The following SLC14A1 variants were observed in gnomAD, a reference collection of about 807,000 sequenced individuals.
SLC14A1 encodes the protein solute carrier family 14 member 1 (Kidd blood group), also known as urea transporter 1.
Under a neutral mutation model 39.6 loss-of-function variants are expected in SLC14A1, and 36 were observed. The ratio of observed to expected loss-of-function variants is 0.91; its 90% CI spans 0.70 to 1.20. SLC14A1 has a LOEUF of 1.20. Among genes scored for constraint, SLC14A1 ranks in the 50% most tolerant of loss-of-function variants. The probability of loss-of-function intolerance (pLI) is 0.00; values close to 1 mark genes in which losing one functional copy is unlikely to be tolerated. For missense variants in SLC14A1, 469 were observed against 478.7 expected (o/e 0.98, Z 0.19); for synonymous variants, 164 against 173.6 (o/e 0.94, Z 0.43).
chr18:45,731,547 A>C (rs761794341), intron 4 of SLC14A1: 28 of 353,878 alleles, frequency 7.9e-5, no homozygotes, highest in Non-Finnish European at 1.3e-4. Context: ...AAAAGTGCAT[A>C]TGAATTCAGA....
At chr18:45,726,425 A>G (rs2046863764) in intron 2 of SLC14A1, among the ~76,000 whole-genome samples, 1 of 152,254 alleles carries the variant, frequency 6.6e-6, no homozygotes, top group African/African-American at 2.4e-5. Flanking sequence ...AAGGAAAAAG[A>G]AAATTTATAA....
chr18:45,739,885 G>A (rs560209160), intron 8 of SLC14A1: 272 of 600,410 alleles, frequency 4.5e-4, no homozygotes, highest in Non-Finnish European at 6.4e-4. Flanking sequence ...AGCCTATTGA[G>A]TCATATTAAT....
chr18:45,726,354 C>T (rs2046862149), intron 2 of SLC14A1, among the ~76,000 whole-genome samples: 1 of 152,164 alleles, frequency 6.6e-6, no homozygotes. Context: ...AGAAATACCA[C>T]ACACACAACT....
At chr18:45,749,001 G>A (rs1468607144) in intron 9 of SLC14A1, among the ~76,000 whole-genome samples, 1 of 152,162 alleles carries the variant, frequency 6.6e-6, no homozygotes, top group Non-Finnish European at 1.5e-5. Context: ...CAACAAAGAA[G>A]ATTCACAGGC....
chr18:45,739,761 G>T, intron 8 of SLC14A1, 99 bp downstream of exon 8: 1 of 1,546,566 alleles, frequency 6.5e-7, no homozygotes. Flanking sequence ...TCAGGGCCAG[G>T]GTTCTGGCTT....
intron 2 of SLC14A1, chr18:45,727,542 G>T: frequency 2.5e-6 from 3 of 1,197,720 alleles, no homozygotes; most frequent in Non-Finnish European, 3.4e-6. Flanking sequence ...AAAGGCACAG[G>T]GATCTTGGTC....
At chr18:45,739,368 C>A in intron 7 of SLC14A1, 58 bp downstream of exon 7, 1 of 1,612,258 alleles carries the variant, frequency 6.2e-7, no homozygotes, top group Non-Finnish European at 8.5e-7. Context: ...TGCATTGCCT[C>A]AGGCATCTTC....
Position 45,736,503 on chromosome 18 carries a change from T to A in SLC14A1, c.518T>A (p.Leu173His), listed in dbSNP as rs771302566. Residue 173 changes from leucine (L) to histidine (H), a missense_variant, in exon 6 of 10, where the codon CTC (leucine) becomes CAC (histidine). Physicochemically the swap from Leu to His is moderately conservative, Grantham distance 99. Transcript: ENST00000321925. ...AATTCCATGCTCAGCAAATGGGACCTCCCCGTCTTCACCCTCCCTTTCAAC... is the reference window on the plus strand; with the variant it reads ...AATTCCATGCTCAGCAAATGGGACCACCCCGTCTTCACCCTCCCTTTCAAC... ...ALNSMLSKWDLPVFTLPFNMA... is the reference protein window; with the variant it reads ...ALNSMLSKWDHPVFTLPFNMA... 3 of 1,614,008 alleles carry A rather than the reference T, an allele frequency of 1.9e-6. No individual in the cohort carries two copies. The highest frequency in any genetic ancestry group is 2.5e-6 in the Non-Finnish European group (3 of 1,179,854).
chr18:45,731,504 TA>T (rs1380719724), intron 4 of SLC14A1: 5 of 424,522 alleles, frequency 1.2e-5, no homozygotes, highest in African/African-American at 1.0e-4. Flanking sequence ...TAATGATTGA[TA>T]AAATTATTTG....
intron 8 of SLC14A1, among the ~76,000 whole-genome samples, chr18:45,743,326 C>G (rs2047443073): frequency 6.6e-6 from 1 of 152,148 alleles, no homozygotes; most frequent in African/African-American, 2.4e-5. Flanking sequence ...GTCACATATT[C>G]TCAAGTTCTG....
Position 45,731,011 on chromosome 18 carries a change from C to A in SLC14A1, c.152-4C>A, listed in dbSNP as rs200895613. ...TTAGCTCTGCTTTACCTCATCCCTTCCAGACAAACCCGTGGTGCTCCAGTT... is the reference window on the plus strand; with the variant it reads ...TTAGCTCTGCTTTACCTCATCCCTTACAGACAAACCCGTGGTGCTCCAGTT... On this transcript the variant is annotated splice_polypyrimidine_tract_variant and splice_region_variant and intron_variant, in intron 3 of 9. Transcript: ENST00000321925. 2.5e-6 allele frequency: 4 copies of A among 1,614,128 alleles called. No individual in the cohort carries two copies. The highest frequency in any genetic ancestry group is 3.4e-6 in the Non-Finnish European group (4 of 1,179,972).
intron 8 of SLC14A1, 31 bp downstream of exon 8, chr18:45,739,693 G>A (rs1473703649): frequency 6.2e-7 from 1 of 1,613,728 alleles, no homozygotes; most frequent in African/African-American, 1.3e-5. Flanking sequence ...GGGGAGGGCT[G>A]CTCATGACTA....
In SLC14A1 at chr18:45,750,829, C is replaced by A. The variant is rs16978481; in HGVS notation, c.*878C>A. 4.0e-3 allele frequency: 3,960 copies of A among 984,874 alleles called. 117 individuals carry two copies. The African/African-American group carries it at 0.062, about 15-fold the overall frequency. The allele number at this position is 984,874 out of a possible 1,614,324, so 61.0% of individuals were successfully genotyped here. On this transcript the variant is annotated 3_prime_UTR_variant, in exon 10 of 10. Transcript: ENST00000321925. ...AACCCCTAAATTGATTTTGTAAATG[C>A]CACAAATGCATAGAATTGTTACCAA...
chr18:45,727,119 T>G (rs1357735471), intron 2 of SLC14A1: 1 of 711,978 alleles, frequency 1.4e-6, no homozygotes, highest in African/African-American at 1.7e-5. Flanking sequence ...ATTAGCGGTC[T>G]CCCATGTGGG....
chr18:45,730,828 C>T (rs1321442168), intron 3 of SLC14A1, among the ~76,000 whole-genome samples, 187 bp from the exon 4 acceptor site: 1 of 152,150 alleles, frequency 6.6e-6, no homozygotes, highest in Non-Finnish European at 1.5e-5. Flanking sequence ...GTTGAGCATA[C>T]AGTAGATAGA....
chr18:45,734,089 A>G (rs1179845144), intron 4 of SLC14A1, 185 bp from the exon 5 acceptor site: 2 of 686,280 alleles, frequency 2.9e-6, no homozygotes, highest in Non-Finnish European at 4.9e-6. Context: ...ATTTTTATCT[A>G]TGTATATTTC....
intron 2 of SLC14A1, chr18:45,727,278 G>A: frequency 1.3e-6 from 2 of 1,551,658 alleles, no homozygotes; most frequent in Non-Finnish European, 1.7e-6. Context: ...AAGGATGAAT[G>A]GACGGTCTTT....
rs1354215227 is a variant in SLC14A1, at chr18:45,734,254, CTG to C, written c.342-16_342-15del. 1 of 1,613,658 alleles carries C rather than the reference CTG, an allele frequency of 6.2e-7. No homozygotes were observed. The highest frequency in any genetic ancestry group is 1.7e-5 in the Admixed American group (1 of 59,998). On this transcript the variant is annotated intron_variant, in intron 4 of 9. Coordinates refer to ENST00000321925, the MANE Select transcript of SLC14A1 (RefSeq NM_015865.7). ...AAAGCTCACCCAGGAAATGTCCGTG[CTG>C]TGTCTCTTGCCCCACAGGTCATTAA... is the stretch of plus-strand genomic sequence containing the variant.
At chr18:45,736,804 A>C (rs1364335220) in intron 6 of SLC14A1, among the ~76,000 whole-genome samples, 156 bp downstream of exon 6, 1 of 152,238 alleles carries the variant, frequency 6.6e-6, no homozygotes, top group Admixed American at 6.5e-5. Flanking sequence ...GTTCTACTCC[A>C]GAGCATTAGG....
Sources: allele counts gnomAD v4.1 joint callset (sites outside exome capture counted in the v4.1 genomes callset), GRCh38; gene constraint gnomAD v4.1.1; transcripts MANE v1.5; gene names NCBI Gene and HGNC (gene_info 2026-07-23, HGNC 2026-07-21).